The following GABBR2 variants were observed in gnomAD, a reference collection of about 807,000 sequenced individuals.
GABBR2 encodes gamma-aminobutyric acid type B receptor subunit 2, also known as G-protein coupled receptor 51.
A neutral mutation model predicts 105.6 loss-of-function variants in GABBR2; 23 were observed. The ratio of observed to expected loss-of-function variants is 0.22; its 90% CI spans 0.16 to 0.31. The LOEUF is 0.31. Ranked by LOEUF, GABBR2 falls within the 10% of genes least tolerant of loss-of-function variation. GABBR2 has a pLI of 1.00. For missense variants in GABBR2, 734 were observed against 1,245.5 expected (o/e 0.59, Z 6.18); for synonymous variants, 478 against 499.7 (o/e 0.96, Z 0.58).
intron 1 of GABBR2, among the ~76,000 whole-genome samples, chr9:98,690,175 CA>C (rs112352299): frequency 0.21 from 32,253 of 151,984 alleles, 5,048 homozygotes; most frequent in African/African-American, 0.44. Flanking sequence ...AAGGACTTTC[CA>C]GTGTCATTAT....
At chr9:98,497,685 T>C (rs1827311122) in intron 3 of GABBR2, among the ~76,000 whole-genome samples, 1 of 152,232 alleles carries the variant, frequency 6.6e-6, no homozygotes, top group South Asian at 2.1e-4. Context: ...TTAAAGCACT[T>C]CTTGTTCACA....
intron 7 of GABBR2, among the ~76,000 whole-genome samples, chr9:98,435,355 C>T (rs1825884396): frequency 6.6e-6 from 1 of 152,178 alleles, no homozygotes; most frequent in Non-Finnish European, 1.5e-5. Flanking sequence ...AAAGTAATTG[C>T]ATTAGGAGCA....
At chr9:98,535,902 G>A (rs572759099) in intron 3 of GABBR2, among the ~76,000 whole-genome samples, 1 of 152,250 alleles carries the variant, frequency 6.6e-6, no homozygotes, top group African/African-American at 2.4e-5. Context: ...CTATAATGAT[G>A]AATACATGTC....
chr9:98,365,841 G>T (rs995850411), intron 12 of GABBR2, among the ~76,000 whole-genome samples: 3 of 151,996 alleles, frequency 2.0e-5, no homozygotes, highest in Non-Finnish European at 2.9e-5. Flanking sequence ...AAGAAGCACT[G>T]ATCTGAGCAC....
intron 7 of GABBR2, among the ~76,000 whole-genome samples, chr9:98,436,347 C>A (rs1272498409): frequency 6.3e-5 from 2 of 31,614 alleles, no homozygotes; most frequent in African/African-American, 1.8e-4. Context: ...CACACACACA[C>A]CATATATATA....
At chr9:98,659,496 T>TTA (rs1554724197) in intron 1 of GABBR2, among the ~76,000 whole-genome samples, 4 of 141,102 alleles carry the variant, frequency 2.8e-5, no homozygotes, top group Admixed American at 1.4e-4. Context: ...CTTTTTTTTT[T>TTA]AAACAACCTT....
chr9:98,699,846 C>G lies in GABBR2; in HGVS notation c.321+8571G>C, dbSNP rs532303802. The stretch of plus-strand genomic sequence containing the variant: ...ACAGGAAGGCATTTCACCAGCCTCA[C>G]TGTGCACTGTTACATAACGCTAGAG... On this transcript the variant is annotated intron_variant, in intron 1 of 18. Coordinates refer to ENST00000259455, the MANE Select transcript of GABBR2 (RefSeq NM_005458.8). Among the ~76,000 whole-genome samples the G allele has an allele frequency of 5.3e-5, 8 of 152,328 alleles. No homozygotes were observed. The South Asian group carries it at 1.7e-3, about 32-fold the overall frequency.
intron 1 of GABBR2, among the ~76,000 whole-genome samples, chr9:98,645,012 T>C (rs770040764): frequency 6.6e-6 from 1 of 152,138 alleles, no homozygotes; most frequent in Non-Finnish European, 1.5e-5. Context: ...GGCTGTTTTC[T>C]GGGGTCCCTC....
In GABBR2 at chr9:98,371,550, C is replaced by T. The variant is rs1831782841; in HGVS notation, c.1684G>A (p.Val562Met). Residue 562 changes from valine (V) to methionine (M), a missense_variant, in exon 12 of 19, where the codon GTG (valine) becomes ATG (methionine). Val to Met is a conservative substitution (Grantham distance 21). Transcript: ENST00000259455. Reference protein sequence around the residue: ...LCTVRTWILTVGYTTAFGAMF... With the variant: ...LCTVRTWILTMGYTTAFGAMF... ...GCCCCAAAAGCGGTCGTGTAGCCCACGGTGAGAATCCAGGTCCTGACCTAG... is the reference window on the plus strand; with the variant it reads ...GCCCCAAAAGCGGTCGTGTAGCCCATGGTGAGAATCCAGGTCCTGACCTAG... The T allele has an allele frequency of 1.9e-6, 3 of 1,607,952 alleles. No individual in the cohort carries two copies. Among genetic ancestry groups the T allele is most frequent in the East Asian group, 2.2e-5 (1 of 44,854 alleles).
intron 1 of GABBR2, among the ~76,000 whole-genome samples, chr9:98,639,423 T>A (rs1447893229): frequency 1.3e-5 from 2 of 152,106 alleles, no homozygotes. Context: ...GCCAGAAGAC[T>A]GTCATTGCCC....
intron 1 of GABBR2, among the ~76,000 whole-genome samples, chr9:98,583,736 A>C (rs148460954): frequency 1.3e-5 from 2 of 152,358 alleles, no homozygotes; most frequent in East Asian, 3.9e-4. Context: ...AGTTTCCTGA[A>C]GGACTCCTTG....
In GABBR2 at chr9:98,421,123, T is replaced by C. The variant is rs1317327491; in HGVS notation, c.1237-14982A>G. ...GTACTAGAGTGAACTCGCAGGGGTATTGTGGCATATTTTAAATTTCTGAGG... is the reference window on the plus strand; with the variant it reads ...GTACTAGAGTGAACTCGCAGGGGTACTGTGGCATATTTTAAATTTCTGAGG... On this transcript the variant is annotated intron_variant, in intron 7 of 18. Transcript: ENST00000259455. 4.6e-5 allele frequency among the ~76,000 whole-genome samples: 7 copies of C among 152,168 alleles called. No homozygotes were observed. The East Asian group carries it at 9.6e-4, about 21-fold the overall frequency.
intron 1 of GABBR2, among the ~76,000 whole-genome samples, chr9:98,662,606 A>G (rs556332426): frequency 1.3e-5 from 2 of 152,336 alleles, no homozygotes; most frequent in African/African-American, 4.8e-5. Flanking sequence ...CAAATCTGCT[A>G]TGCTGAAATC....
intron 1 of GABBR2, among the ~76,000 whole-genome samples, chr9:98,582,043 C>G (rs1187228808): frequency 6.6e-6 from 1 of 152,172 alleles, no homozygotes; most frequent in Non-Finnish European, 1.5e-5. Flanking sequence ...GAATTTTCAC[C>G]AGAGTGGGTG....
intron 1 of GABBR2, among the ~76,000 whole-genome samples, chr9:98,682,196 C>T (rs1830557967): frequency 6.7e-6 from 1 of 149,318 alleles, no homozygotes; most frequent in African/African-American, 2.5e-5. Context: ...CACTGCACTC[C>T]AGCCTGGGCA....
intron 1 of GABBR2, chr9:98,607,452 C>A: frequency 1.7e-6 from 1 of 584,660 alleles, no homozygotes; most frequent in Non-Finnish European, 3.1e-6. Flanking sequence ...GTTTAAAAAA[C>A]AGATAATGAA....
intron 3 of GABBR2, among the ~76,000 whole-genome samples, chr9:98,538,057 T>C (rs1048668462): frequency 3.3e-5 from 5 of 152,198 alleles, no homozygotes; most frequent in African/African-American, 9.6e-5. Flanking sequence ...TGAATGGGCC[T>C]GCATTTTCAG....
intron 1 of GABBR2, among the ~76,000 whole-genome samples, chr9:98,599,633 A>G (rs1258663871): frequency 6.6e-6 from 1 of 152,244 alleles, no homozygotes; most frequent in African/African-American, 2.4e-5. Context: ...ATGTGGCCCC[A>G]GGCCCCTCAG....
intron 13 of GABBR2, among the ~76,000 whole-genome samples, chr9:98,318,675 G>A (rs1045922864): frequency 1.4e-4 from 21 of 152,168 alleles, no homozygotes; most frequent in African/African-American, 4.6e-4. Flanking sequence ...AGGGTTCCTA[G>A]GCCCAGCCCA....
Sources: gnomAD v4.1 joint callset for allele counts (sites outside exome capture counted in the v4.1 genomes callset) on GRCh38, gnomAD v4.1.1 for gene constraint, MANE v1.5 for transcripts, NCBI Gene and HGNC (gene_info 2026-07-23, HGNC 2026-07-21) for gene names.